Variants in CC2D2A observed in about 807,000 individuals in gnomAD.
CC2D2A encodes the protein coiled-coil and C2 domain containing 2A, also known as coiled-coil and C2 domain-containing protein 2A.
Under a neutral mutation model 212.9 loss-of-function variants are expected in CC2D2A, and 155 were observed. The ratio of observed to expected loss-of-function variants is 0.73; its 90% CI spans 0.64 to 0.83. CC2D2A has a LOEUF of 0.83. CC2D2A is among the 40% of genes least tolerant of loss of function. The pLI is 0.00. For missense variants in CC2D2A, 1,856 were observed against 1,956.2 expected, an observed-to-expected ratio of 0.95 and a Z score of 0.97; for synonymous variants, 667 against 686.5, an observed-to-expected ratio of 0.97 and a Z score of 0.44.
rs1479141284 is a variant in CC2D2A, at chr4:15,500,107, G to GTGTGTGTGTATATATA, written c.248-2321_248-2320insGTGTGTGTATATATAT. 9.9e-4 allele frequency among the ~76,000 whole-genome samples: 112 copies of GTGTGTGTGTATATATA among 112,910 alleles called. 1 individual carries two copies. Among genetic ancestry groups the GTGTGTGTGTATATATA allele is most frequent in the East Asian group, 2.6e-3 (11 of 4,166 alleles). The allele number at this position is 112,910 out of a possible 152,430, so 74.1% of individuals were successfully genotyped here. On this transcript the variant is annotated intron_variant, in intron 4 of 36. Transcript: ENST00000424120. ...TGTGTGTGTGTGTGTGTGTGTGTGTGTATATATATATATATATATATATAT... is the reference window on the plus strand; with the variant it reads ...TGTGTGTGTGTGTGTGTGTGTGTGTGTGTGTGTGTATATATATATATATATATATATATATATATAT...
At chr4:15,571,576 C>A (rs1040149343) in intron 28 of CC2D2A, among the ~76,000 whole-genome samples, 2 of 148,350 alleles carry the variant, frequency 1.3e-5, no homozygotes, top group Admixed American at 6.8e-5. Context: ...GCACTCCAGC[C>A]TGGGCAACAG....
At chr4:15,487,785 TAAA>T (rs35503243) in intron 4 of CC2D2A, among the ~76,000 whole-genome samples, 66,910 of 129,308 alleles carry the variant, frequency 0.52, 15,855 homozygotes, top group African/African-American at 0.61. Flanking sequence ...AGTAGTATGT[TAAA>T]AAAATTTTTT....
intron 35 of CC2D2A, among the ~76,000 whole-genome samples, chr4:15,598,116 C>T (rs187225317): frequency 7.9e-5 from 12 of 152,270 alleles, no homozygotes; most frequent in African/African-American, 2.6e-4. Context: ...ATTCAAGATC[C>T]CCAACTAGAA....
intron 23 of CC2D2A, 127 bp from the exon 24 acceptor site, chr4:15,563,228 A>C (rs1719703153): frequency 4.7e-6 from 4 of 852,344 alleles, no homozygotes; most frequent in Admixed American, 5.8e-5. Context: ...ATTTCCACCC[A>C]CCTTCAAAGG....
At chr4:15,493,465 A>G (rs1187128546) in intron 4 of CC2D2A, among the ~76,000 whole-genome samples, 1 of 151,936 alleles carries the variant, frequency 6.6e-6, no homozygotes, top group African/African-American at 2.4e-5. Flanking sequence ...TAGAGGCAGC[A>G]TTTTACCATG....
intron 3 of CC2D2A, among the ~76,000 whole-genome samples, chr4:15,480,294 G>C (rs971098275): frequency 5.9e-5 from 9 of 152,108 alleles, no homozygotes; most frequent in Admixed American, 2.0e-4. Flanking sequence ...GGAACCAGAG[G>C]CTATTCTTGG....
chr4:15,540,748 C>T, intron 16 of CC2D2A, 89 bp from the exon 17 acceptor site: 1 of 1,252,882 alleles, frequency 8.0e-7, no homozygotes, highest in Non-Finnish European at 1.1e-6. Context: ...TGCAGTGTGT[C>T]TTGTTCTGTT....
In CC2D2A at chr4:15,580,172, G is replaced by A; in HGVS notation, c.3975+1G>A. On this transcript the variant is annotated splice_donor_variant, in intron 30 of 36. Coordinates refer to ENST00000424120, the MANE Select transcript of CC2D2A (RefSeq NM_001378615.1). LOFTEE classifies it high-confidence loss of function. ...CCCCAATAATCTACAGGCAACTGCA[G>A]TAAGTATTTCATAGTCAATAAGTGC... The A allele has an allele frequency of 6.2e-7, 1 of 1,609,784 alleles. No individual in the cohort carries two copies. Among genetic ancestry groups the A allele is most frequent in the Non-Finnish European group, 8.5e-7 (1 of 1,176,380 alleles).
chr4:15,587,763 A>G (rs1449936111), intron 31 of CC2D2A, 53 bp from the exon 32 acceptor site: 4 of 958,340 alleles, frequency 4.2e-6, no homozygotes, highest in African/African-American at 3.2e-5. Flanking sequence ...TGCACAACCA[A>G]TCCAGAATAA....
intron 1 of CC2D2A, among the ~76,000 whole-genome samples, chr4:15,475,269 G>T (rs745431190): frequency 6.6e-6 from 1 of 152,174 alleles, no homozygotes; most frequent in Non-Finnish European, 1.5e-5. Context: ...GTGAGACTTC[G>T]TCTCAAAAGA....
Position 15,579,982 on chromosome 4 carries a change from A to G in CC2D2A, c.3786A>G (p.Glu1262=). 1.2e-6 allele frequency: 2 copies of G among 1,613,184 alleles called. No homozygotes were observed. The highest frequency in any genetic ancestry group is 1.7e-6 in the Non-Finnish European group (2 of 1,179,566). ...TCTTTTTGAAGTTTGAGTCTCAGGA[A>G]GATGAGAAATTACTTCAAGCAACTG... ...ESIREKFESQ[E]DEKLLQATEK... Residue 1262 remains glutamate (E), a synonymous_variant, in exon 30 of 37, where the codon GAA becomes GAG. Transcript: ENST00000424120.
intron 24 of CC2D2A, chr4:15,564,205 A>C (rs1719767960): frequency 6.6e-6 from 1 of 152,414 alleles, no homozygotes; most frequent in South Asian, 2.1e-4. Flanking sequence ...GTCTGAGGAA[A>C]CAGAGAAGGA....
chr4:15,479,125 A>C, intron 3 of CC2D2A: 1 of 861,506 alleles, frequency 1.2e-6, no homozygotes, highest in Non-Finnish European at 1.9e-6. Context: ...ATTGAAGGCC[A>C]TGGACTATGA....
At chr4:15,531,687 T>A (rs560385702) in intron 13 of CC2D2A, among the ~76,000 whole-genome samples, 1 of 152,306 alleles carries the variant, frequency 6.6e-6, no homozygotes, top group South Asian at 2.1e-4. Context: ...TTAAATATTA[T>A]TTTGTAATTT....
At chr4:15,556,492 G>A (rs536970616) in intron 20 of CC2D2A, among the ~76,000 whole-genome samples, 6 of 152,142 alleles carry the variant, frequency 3.9e-5, no homozygotes, top group Non-Finnish European at 8.8e-5. Flanking sequence ...CAATAGACAC[G>A]TCACTTTCAT....
At chr4:15,496,716 T>G (rs1285286189) in intron 4 of CC2D2A, among the ~76,000 whole-genome samples, 3 of 152,076 alleles carry the variant, frequency 2.0e-5, no homozygotes, top group Non-Finnish European at 4.4e-5. Flanking sequence ...TCAGCAAAGC[T>G]TCAGAATACA....
At chr4:15,537,616 A>AT (rs1718204265) in intron 15 of CC2D2A, among the ~76,000 whole-genome samples, 1 of 152,122 alleles carries the variant, frequency 6.6e-6, no homozygotes, top group East Asian at 1.9e-4. Flanking sequence ...AATACCTACC[A>AT]TTTTTTAAGC....
At chr4:15,531,818 G>C (rs1349076689) in intron 13 of CC2D2A, among the ~76,000 whole-genome samples, 2 of 152,128 alleles carry the variant, frequency 1.3e-5, no homozygotes, top group Non-Finnish European at 2.9e-5. Flanking sequence ...AAAGCCTGAA[G>C]ATGTCATGTA....
At chr4:15,534,260 C>A (rs1718003936) in intron 14 of CC2D2A, among the ~76,000 whole-genome samples, 1 of 152,152 alleles carries the variant, frequency 6.6e-6, no homozygotes, top group Admixed American at 6.5e-5. Context: ...ATATCCTCTC[C>A]TACTCATTAG....
Sources: allele counts gnomAD v4.1 joint callset (sites outside exome capture counted in the v4.1 genomes callset), GRCh38; gene constraint gnomAD v4.1.1; transcripts MANE v1.5; gene names NCBI Gene and HGNC (gene_info 2026-07-23, HGNC 2026-07-21).